Variants in NEB observed in about 807,000 individuals in gnomAD.
NEB encodes the protein nemaline myopathy type 2.
NEB carries 512 observed loss-of-function variants against 952.2 expected under a neutral mutation model. That is an observed-to-expected ratio of 0.54 (90% CI 0.50 to 0.58). NEB has a LOEUF of 0.58. Ranked by LOEUF, NEB falls within the 20% of genes least tolerant of loss-of-function variation. The pLI is 0.00. For missense variants in NEB, 8,428 were observed against 9,231.1 expected (o/e 0.91, Z 3.56); for synonymous variants, 2,900 against 3,149.8 (o/e 0.92, Z 2.66).
rs201460418 is a variant in NEB at position 151,558,327 on chromosome 2, C to T, written c.19314+2265G>A. ...TTACAAGGGATCTGAAGGACCTCTT[C>T]AAGGAGAACTACAAACCACTGCTCA... On this transcript the variant is annotated intron_variant, in intron 124 of 181. Coordinates refer to ENST00000397345, the MANE Select transcript of NEB (RefSeq NM_001164508.2). Among the ~76,000 whole-genome samples the T allele has an allele frequency of 4.6e-5, 7 of 152,256 alleles. No homozygotes were observed. The East Asian group carries it at 1.4e-3, about 29-fold the overall frequency.
chr2:151,653,830 G>A (rs2099057937), intron 52 of NEB, among the ~76,000 whole-genome samples, 162 bp downstream of exon 52: 1 of 152,112 alleles, frequency 6.6e-6, no homozygotes, highest in Non-Finnish European at 1.5e-5. Context: ...CATATGAACA[G>A]TGAAAGAGAA....
chr2:151,716,092 C>T (rs190765209), intron 10 of NEB: 2 of 412,190 alleles, frequency 4.9e-6, no homozygotes, highest in East Asian at 7.2e-5. Context: ...GATAAATTGT[C>T]CTTCTCCCGT....
chr2:151,516,543 A>G lies in NEB; in HGVS notation c.22821T>C (p.Tyr7607=). Residue 7607 remains tyrosine, a synonymous_variant, in exon 157 of 182, where the codon TAT becomes TAC. Coordinates refer to ENST00000397345, the MANE Select transcript of NEB (RefSeq NM_001164508.2). ...LQSIVKYKEK[Y]EKERGKPMLD... The stretch of plus-strand genomic sequence containing the variant: ...GCATGGGTTTTCCTCGTTCCTTTTC[A>G]TACTTTTCTTTGTATTTCACCTGGT... 6.2e-7 allele frequency: 1 copy of G among 1,611,218 alleles called. No homozygotes were observed. Among genetic ancestry groups the G allele is most frequent in the Non-Finnish European group, 8.5e-7 (1 of 1,177,936 alleles).
chr2:151,581,545 T>C lies in NEB; in HGVS notation c.16222A>G (p.Asn5408Asp), dbSNP rs776044827. 2 of 1,197,826 alleles carry C rather than the reference T, an allele frequency of 1.7e-6. No homozygotes were observed. Among genetic ancestry groups the C allele is most frequent in the Non-Finnish European group, 2.3e-6 (2 of 858,600 alleles). The allele number at this position is 1,197,826 out of a possible 1,614,324, so 74.2% of individuals were successfully genotyped here. Reference sequence around the variant, plus strand: ...ATCAGGGGAGTGTCAGCTGGCACGTTCACATTAGCCTTCTCTTTCTCCCAG... The same window carrying C: ...ATCAGGGGAGTGTCAGCTGGCACGTCCACATTAGCCTTCTCTTTCTCCCAG... The part of the protein sequence containing the change: ...DAWEKEKANV[N>D]VPADTPLMLQ... Residue 5408 changes from asparagine (N) to aspartate (D), a missense_variant, in exon 103 of 182, where the codon AAC becomes GAC. Around this residue, in one of 11 missense-constraint regions of NEB, gnomAD observed 40 missense variants for 61.2 expected, o/e 0.65. Transcript: ENST00000397345.
At position 151,669,059 on chromosome 2, in the gene NEB, G is replaced by C; in HGVS notation, c.4579C>G (p.Gln1527Glu). ...ATGTTGAGGGCGTTGACTTTGGCTT[G>C]AATAAACTGAGGCAATTCAGGGTCA... ...TIDPELPQFI[Q>E]AKVNALNMSD... The change falls in exon 39 of 182, where the codon CAA becomes GAA. Residue 1527 changes from glutamine (Q) to glutamate (E), a missense_variant. Coordinates refer to ENST00000397345, the MANE Select transcript of NEB (RefSeq NM_001164508.2). The C allele has an allele frequency of 6.3e-7, 1 of 1,597,676 alleles. No homozygotes were observed. The highest frequency in any genetic ancestry group is 8.5e-7 in the Non-Finnish European group (1 of 1,171,260).
Position 151,663,461 on chromosome 2 carries a change from C to A in NEB, c.5763+87G>T, listed in dbSNP as rs2099169417. 3 of 1,322,028 alleles carry A rather than the reference C, an allele frequency of 2.3e-6. No homozygotes were observed. The African/African-American group carries it at 4.4e-5, about 20-fold the overall frequency. 81.9% of individuals were successfully genotyped at this position (1,322,028 alleles called of 1,614,324 possible). A position where few individuals can be genotyped will look rare whatever the true frequency, so the allele number is the denominator to read the frequency against. On this transcript the variant is annotated intron_variant, in intron 45 of 181. Transcript: ENST00000397345. The stretch of plus-strand genomic sequence containing the variant: ...TGGGAAATTGCAGATGAATTTCTTT[C>A]AGGATTTTCAAAACGTCATTGCTTA...
At chr2:151,498,042 A>ACATT in intron 170 of NEB, 1 of 1,447,066 alleles carries the variant, frequency 6.9e-7, no homozygotes, top group Non-Finnish European at 9.1e-7. Flanking sequence ...ACAAATGGAA[A>ACATT]CATTCATTAT....
chr2:151,618,271 T>A lies in NEB; in HGVS notation c.11076+4A>T. The A allele has an allele frequency of 6.2e-7, 1 of 1,613,254 alleles. No individual in the cohort carries two copies. Among genetic ancestry groups the A allele is most frequent in the Non-Finnish European group, 8.5e-7 (1 of 1,179,252 alleles). ...GTATCTAACAGTGAGGATTGAAGACTCACCTTATTCATGTTTAAAGCATTG... is the reference window on the plus strand; with the variant it reads ...GTATCTAACAGTGAGGATTGAAGACACACCTTATTCATGTTTAAAGCATTG... On this transcript the variant is annotated splice_donor_region_variant and intron_variant, in intron 74 of 181. Coordinates refer to ENST00000397345, the MANE Select transcript of NEB (RefSeq NM_001164508.2).
chr2:151,595,366 C>A (rs1209102275), intron 92 of NEB, among the ~76,000 whole-genome samples: 1 of 146,860 alleles, frequency 6.8e-6, no homozygotes, highest in Non-Finnish European at 1.5e-5. Context: ...ATTCTCCTGC[C>A]TCAGACTCCT....
rs1470857951 is a variant in NEB, at chr2:151,526,856, A to T, written c.21945+62T>A. On this transcript the variant is annotated intron_variant, in intron 148 of 181. Transcript: ENST00000397345. ...CCATCCTTCCCTGGTGTCCCTGGGG[A>T]CTGTACCATGGAAGATGGCCCTGAG... 4 of 1,156,822 alleles carry T rather than the reference A, an allele frequency of 3.5e-6. No homozygotes were observed. In the African/African-American group the frequency reaches 6.1e-5, roughly 18 times the overall value. The allele number at this position is 1,156,822 out of a possible 1,614,324, so 71.7% of individuals were successfully genotyped here.
chr2:151,620,898 T>C, intron 72 of NEB, 21 bp downstream of exon 72: 2 of 1,564,694 alleles, frequency 1.3e-6, no homozygotes, highest in Middle Eastern at 1.7e-4. Flanking sequence ...TAAGAAATGT[T>C]AGGACTTGAT....
rs886054926 is a variant in NEB at position 151,492,127 on chromosome 2, C to T, written c.25028G>A (p.Arg8343Gln). 33 of 1,613,810 alleles carry T rather than the reference C, an allele frequency of 2.0e-5. No homozygotes were observed. In the Middle Eastern group the frequency reaches 4.9e-4, roughly 24 times the overall value. Residue 8343 changes from arginine (R) to glutamine (Q), a missense_variant, in exon 178 of 182, where the codon CGG (arginine) becomes CAG (glutamine). Physicochemically the swap from Arg to Gln is conservative, Grantham distance 43. This residue lies in a region of NEB where 3,374 missense variants were observed against 3,651.5 expected (regional missense o/e 0.92). Coordinates refer to ENST00000397345, the MANE Select transcript of NEB (RefSeq NM_001164508.2). ...QRKVVEMEQKRNDQDQETITG... is the reference protein window; with the variant it reads ...QRKVVEMEQKQNDQDQETITG... ...AATAGTCTCCTGATCTTGGTCATTC[C>T]GTTTTTGTTCCATTTCTACCACTTT...
chr2:151,562,490 T>G (rs921261491), intron 120 of NEB, 121 bp downstream of exon 120: 6 of 1,072,246 alleles, frequency 5.6e-6, no homozygotes, highest in African/African-American at 1.6e-5. Context: ...CACTTTGTTT[T>G]GAGAAGCAGC....
intron 168 of NEB, among the ~76,000 whole-genome samples, chr2:151,501,066 C>T (rs977218595): frequency 2.0e-5 from 3 of 152,148 alleles, no homozygotes; most frequent in African/African-American, 7.2e-5. Context: ...AACCCAGAAA[C>T]ATCAGATAAA....
rs370572955 is a variant in NEB at position 151,627,813 on chromosome 2, G to A, written c.9853C>T (p.Arg3285Cys). The change falls in exon 69 of 182, where the codon CGC becomes TGC. Residue 3285 changes from arginine to cysteine, a missense_variant. By Grantham distance (180) the Arg-to-Cys change is radical (BLOSUM62 -3). Coordinates refer to ENST00000397345, the MANE Select transcript of NEB (RefSeq NM_001164508.2). ...ISDYKYKDGYRKQLGHHIGAR... is the reference protein window; with the variant it reads ...ISDYKYKDGYCKQLGHHIGAR... ...CCAATGTGGTGGCCGAGCTGCTTGCGGTAACCATCTTTGTATTTGTACTGA... is the reference window on the plus strand; with the variant it reads ...CCAATGTGGTGGCCGAGCTGCTTGCAGTAACCATCTTTGTATTTGTACTGA... 7.3e-5 allele frequency: 117 copies of A among 1,613,540 alleles called. 1 individual carries two copies. The Middle Eastern group carries it at 2.5e-3, about 34-fold the overall frequency.
rs750585238 is a variant in NEB, at chr2:151,695,577, C to A, written c.1674+1G>T. ...CATGGTACAGGGCATAAGGAACTTACATCACTCAAGTTATAGGCATTGACT... is the reference window on the plus strand; with the variant it reads ...CATGGTACAGGGCATAAGGAACTTAAATCACTCAAGTTATAGGCATTGACT... On this transcript the variant is annotated splice_donor_variant, in intron 18 of 181. Coordinates refer to ENST00000397345, the MANE Select transcript of NEB (RefSeq NM_001164508.2). LOFTEE classifies it high-confidence loss of function. The A allele has an allele frequency of 1.9e-6, 3 of 1,610,484 alleles. No individual in the cohort carries two copies. Among genetic ancestry groups the A allele is most frequent in the East Asian group, 4.5e-5 (2 of 44,876 alleles).
chr2:151,514,451 C>T (rs1398082283), intron 158 of NEB, 23 bp from the exon 159 acceptor site: 2 of 1,524,492 alleles, frequency 1.3e-6, no homozygotes, highest in Non-Finnish European at 1.8e-6. Context: ...AGAAAAGCAA[C>T]AACATTGACA....
Position 151,731,636 on chromosome 2 carries a change from G to C in NEB, c.36+1485C>G, listed in dbSNP as rs12612655. Among the ~76,000 whole-genome samples the C allele has an allele frequency of 7.0e-3, 1,073 of 152,206 alleles. 21 individuals carry two copies. Among genetic ancestry groups the C allele is most frequent in the East Asian group, 0.062 (322 of 5,176 alleles). On this transcript the variant is annotated intron_variant, in intron 3 of 181. Coordinates refer to ENST00000397345, the MANE Select transcript of NEB (RefSeq NM_001164508.2). ...TGCTGTAATGGGAACAAAATGGTAG[G>C]GATGGGATGTCTAAAAATAGCCACC...
At chr2:151,502,940 G>A in intron 166 of NEB, 55 bp from the exon 167 acceptor site, 3 of 1,072,756 alleles carry the variant, frequency 2.8e-6, no homozygotes, top group Admixed American at 2.3e-5. Context: ...CAGAGAGTAA[G>A]GAAGGAAGGA....
Sources: allele counts gnomAD v4.1 joint callset (sites outside exome capture counted in the v4.1 genomes callset), GRCh38; gene constraint gnomAD v4.1.1; regional missense constraint gnomAD v4.1.1; transcripts MANE v1.5; gene names NCBI Gene and HGNC (gene_info 2026-07-23, HGNC 2026-07-21).